Variants in SLC35A3 observed in about 807,000 individuals in gnomAD.
SLC35A3 encodes the protein solute carrier family 35 member A3, also known as UDP-N-acetylglucosamine transporter.
SLC35A3 carries 26 observed loss-of-function variants against 39.0 expected under a neutral mutation model. That is an observed-to-expected ratio of 0.67 (90% CI 0.49 to 0.92). The LOEUF (loss-of-function observed/expected upper bound fraction) is 0.92, where lower values mean the gene tolerates loss of function less well. SLC35A3 is among the 40% of genes least tolerant of loss of function. The pLI is 0.00. For synonymous variants in SLC35A3, 135 were observed against 133.1 expected, an observed-to-expected ratio of 1.01 and a Z score of -0.10; for missense variants, 299 against 371.6, an observed-to-expected ratio of 0.80 and a Z score of 1.61.
At chr1:100,002,342 T>G (rs1335697612) in intron 3 of SLC35A3, among the ~76,000 whole-genome samples, 1 of 152,148 alleles carries the variant, frequency 6.6e-6, no homozygotes, top group East Asian at 1.9e-4. Context: ...GTTGTATGAG[T>G]CCAGGAATCT....
rs113362100 is a variant in SLC35A3 at position 99,994,659 on chromosome 1, C to T, written c.187+918C>T. 7.9e-5 allele frequency among the ~76,000 whole-genome samples: 12 copies of T among 152,112 alleles called. No individual in the cohort carries two copies. In the South Asian group the frequency reaches 1.0e-3, roughly 13 times the overall value. ...GCTGAATAACATTCTATTGTATGGA[C>T]GTAACACATTTTGTTTATTCATCCA... On this transcript the variant is annotated intron_variant, in intron 2 of 7. Coordinates refer to ENST00000533028, the MANE Select transcript of SLC35A3 (RefSeq NM_012243.3).
At chr1:100,009,064 A>G (rs1659441703) in intron 4 of SLC35A3, 1 of 152,226 alleles carries the variant, frequency 6.6e-6, no homozygotes, top group South Asian at 2.1e-4. Flanking sequence ...AATAATTATA[A>G]TGAAATTTGC....
intron 5 of SLC35A3, among the ~76,000 whole-genome samples, chr1:100,011,747 T>C (rs183447138): frequency 0.01 from 1,573 of 150,894 alleles, 15 homozygotes; most frequent in Middle Eastern, 0.058. Context: ...TTTGACAGAT[T>C]CTCGCTCTCT....
chr1:99,985,060 C>G (rs1454656524), intron 1 of SLC35A3, among the ~76,000 whole-genome samples: 1 of 152,098 alleles, frequency 6.6e-6, no homozygotes, highest in Non-Finnish European at 1.5e-5. Flanking sequence ...CTGATTATTT[C>G]TTTTGCTGTG....
At chr1:100,012,851 A>G (rs1295329337) in intron 5 of SLC35A3, among the ~76,000 whole-genome samples, 2 of 152,228 alleles carry the variant, frequency 1.3e-5, no homozygotes, top group African/African-American at 4.8e-5. Context: ...TAAATAAATT[A>G]TCAGTATAAT....
intron 6 of SLC35A3, among the ~76,000 whole-genome samples, chr1:100,015,979 T>G (rs776936063): frequency 1.3e-5 from 2 of 152,166 alleles, no homozygotes; most frequent in Non-Finnish European, 2.9e-5. Flanking sequence ...CTAGAGATAT[T>G]TGAAGCCTAG....
chr1:100,014,625 G>A (rs1659930533), intron 5 of SLC35A3, among the ~76,000 whole-genome samples: 1 of 152,188 alleles, frequency 6.6e-6, no homozygotes, highest in Non-Finnish European at 1.5e-5. Context: ...GCAAGAGGAA[G>A]ATGGAAGAAC....
At chr1:99,993,813 C>T (rs2101134717) in intron 2 of SLC35A3, 72 bp downstream of exon 2, 3 of 1,305,396 alleles carry the variant, frequency 2.3e-6, no homozygotes, top group Non-Finnish European at 3.3e-6. Context: ...GGTAACTACA[C>T]ATTTGCACTC....
chr1:100,009,488 G>C (rs1265438201), intron 4 of SLC35A3: 1 of 152,240 alleles, frequency 6.6e-6, no homozygotes, highest in Non-Finnish European at 1.5e-5. Context: ...TCAGTATTGA[G>C]CCAGGAGCTT....
Position 100,017,786 on chromosome 1 carries a change from T to C in SLC35A3, c.858T>C (p.Tyr286=), listed in dbSNP as rs1368296616. 1 of 1,570,900 alleles carries C rather than the reference T, an allele frequency of 6.4e-7. No homozygotes were observed. The highest frequency in any genetic ancestry group is 8.6e-7 in the Non-Finnish European group (1 of 1,162,962). The part of the protein sequence containing the change: ...LSIILSTLIS[Y]FWLQDFVPTS... ...TAATATTATCAACATTGATCTCCTA[T>C]TTTTGGCTTCAAGATTTTGTGCCAA... The change falls in exon 7 of 8, where the codon TAT becomes TAC. Residue 286 remains tyrosine (Y), a synonymous_variant. Transcript: ENST00000533028.
chr1:99,983,263 A>G (rs1479148934), intron 1 of SLC35A3, among the ~76,000 whole-genome samples: 1 of 151,984 alleles, frequency 6.6e-6, no homozygotes, highest in Non-Finnish European at 1.5e-5. Context: ...GTTGGGGGCC[A>G]GGCGCGGTGG....
intron 7 of SLC35A3, among the ~76,000 whole-genome samples, 186 bp from the exon 8 acceptor site, chr1:100,022,200 A>G (rs780871610): frequency 1.3e-5 from 2 of 152,236 alleles, no homozygotes; most frequent in Non-Finnish European, 2.9e-5. Flanking sequence ...TGACAACTCA[A>G]TGAAATAATG....
chr1:100,006,975 C>T, intron 3 of SLC35A3, 59 bp from the exon 4 acceptor site: 2 of 1,518,332 alleles, frequency 1.3e-6, no homozygotes, highest in Non-Finnish European at 1.8e-6. Flanking sequence ...TAATAGTACT[C>T]TTAAGGAACA....
chr1:99,991,262 A>T (rs1449868278), intron 1 of SLC35A3, among the ~76,000 whole-genome samples: 1 of 152,140 alleles, frequency 6.6e-6, no homozygotes, highest in African/African-American at 2.4e-5. Context: ...CTCCTGCCTC[A>T]GCTTCCTGAG....
intron 5 of SLC35A3, among the ~76,000 whole-genome samples, chr1:100,013,025 A>G: frequency 6.6e-6 from 1 of 152,218 alleles, no homozygotes; most frequent in East Asian, 1.9e-4. Context: ...TGAAGCACTT[A>G]GAATAATTCT....
In SLC35A3 at chr1:100,027,009, T is replaced by G; in HGVS notation, c.*4533T>G. 1 of 394,812 alleles carries G rather than the reference T, an allele frequency of 2.5e-6. No homozygotes were observed. Among genetic ancestry groups the G allele is most frequent in the Admixed American group, 4.4e-5 (1 of 22,630 alleles). The allele number at this position is 394,812 out of a possible 1,614,324, so 24.5% of individuals were successfully genotyped here. ...TTTCTATATTTCCTTATTTTCCTATTTACCTGTGTCTATGACCTAACCTAT... is the reference window on the plus strand; with the variant it reads ...TTTCTATATTTCCTTATTTTCCTATGTACCTGTGTCTATGACCTAACCTAT... On this transcript the variant is annotated 3_prime_UTR_variant, in exon 8 of 8. Coordinates refer to ENST00000533028, the MANE Select transcript of SLC35A3 (RefSeq NM_012243.3).
At chr1:99,979,089 A>G (rs57164327) in intron 1 of SLC35A3, 13,981 of 152,298 alleles carry the variant, frequency 0.092, 1,148 homozygotes, top group African/African-American at 0.22. Context: ...TTTAAAAAAT[A>G]CAGACTTAGA....
chr1:99,991,577 C>T (rs970287327), intron 1 of SLC35A3, among the ~76,000 whole-genome samples: 4 of 152,128 alleles, frequency 2.6e-5, no homozygotes, highest in Admixed American at 1.3e-4. Context: ...TTAAAATAAG[C>T]TTGCTTGGTT....
chr1:99,995,155 T>TCTTTCTTA (rs1553200953), intron 2 of SLC35A3, among the ~76,000 whole-genome samples: 40 of 141,650 alleles, frequency 2.8e-4, no homozygotes, highest in African/African-American at 1.0e-3. Context: ...TTTCTTTCTT[T>TCTTTCTTA]CTTTCTTTTT....
Sources: allele counts gnomAD v4.1 joint callset (sites outside exome capture counted in the v4.1 genomes callset), GRCh38; gene constraint gnomAD v4.1.1; transcripts MANE v1.5; gene names NCBI Gene and HGNC (gene_info 2026-07-23, HGNC 2026-07-21).